The following MACROD2 variants were observed in gnomAD, a reference collection of about 807,000 sequenced individuals.
MACROD2 encodes the protein mono-ADP ribosylhydrolase 2, also known as ADP-ribose glycohydrolase MACROD2.
Under a neutral mutation model 70.4 loss-of-function variants are expected in MACROD2, and 36 were observed. The ratio of observed to expected loss-of-function variants is 0.51; its 90% confidence interval spans 0.39 to 0.68. The LOEUF is 0.68. Among genes scored for constraint, MACROD2 ranks in the 30% least tolerant of loss-of-function variants. MACROD2 has a pLI of 0.00. For synonymous variants in MACROD2, 172 were observed against 178.8 expected (o/e 0.96, Z 0.30); for missense variants, 496 against 538.4 (o/e 0.92, Z 0.78).
intron 5 of MACROD2, among the ~76,000 whole-genome samples, chr20:14,707,995 T>C (rs2071290122): frequency 6.6e-6 from 1 of 152,166 alleles, no homozygotes; most frequent in Admixed American, 6.5e-5. Flanking sequence ...AACCTGGCCT[T>C]TACATCAAAC....
chr20:15,350,999 A>G (rs1666996307), intron 6 of MACROD2, among the ~76,000 whole-genome samples: 2 of 150,618 alleles, frequency 1.3e-5, no homozygotes, highest in Non-Finnish European at 2.9e-5. Flanking sequence ...AATGAAAGAA[A>G]TTTTACCTGT....
At chr20:14,390,469 C>T (rs1434185863) in intron 3 of MACROD2, among the ~76,000 whole-genome samples, 1 of 152,188 alleles carries the variant, frequency 6.6e-6, no homozygotes, top group African/African-American at 2.4e-5. Flanking sequence ...AAGCTGGAGG[C>T]ATCATGCCAC....
chr20:15,050,407 T>G (rs2075429954), intron 5 of MACROD2, among the ~76,000 whole-genome samples: 1 of 152,168 alleles, frequency 6.6e-6, no homozygotes, highest in South Asian at 2.1e-4. Flanking sequence ...ACATGCATTT[T>G]GATAAATTCA....
intron 15 of MACROD2, among the ~76,000 whole-genome samples, chr20:16,020,223 G>A (rs73109687): frequency 0.11 from 17,144 of 152,042 alleles, 1,249 homozygotes; most frequent in Middle Eastern, 0.19. Context: ...AACTCCAGCC[G>A]TCTTAAACTA....
intron 3 of MACROD2, among the ~76,000 whole-genome samples, chr20:14,173,613 T>C (rs1016587030): frequency 6.6e-6 from 1 of 152,242 alleles, no homozygotes; most frequent in African/African-American, 2.4e-5. Context: ...ATTCTTTTTC[T>C]GGCAATTCAG....
At chr20:15,346,007 A>C (rs2078161682) in intron 6 of MACROD2, among the ~76,000 whole-genome samples, 2 of 152,182 alleles carry the variant, frequency 1.3e-5, no homozygotes, top group Non-Finnish European at 2.9e-5. Context: ...TTTACTACTT[A>C]GGAGATCTTC....
intron 3 of MACROD2, among the ~76,000 whole-genome samples, chr20:14,155,827 C>A (rs1011343976): frequency 2.0e-5 from 3 of 152,138 alleles, no homozygotes; most frequent in African/African-American, 7.2e-5. Context: ...ATTTTGTTAT[C>A]TTAATATTTA....
chr20:16,003,465 T>C (rs1264574088), intron 15 of MACROD2, among the ~76,000 whole-genome samples: 1 of 152,156 alleles, frequency 6.6e-6, no homozygotes, highest in African/African-American at 2.4e-5. Context: ...TGGAGGCTCA[T>C]GGTCCAGACT....
intron 4 of MACROD2, among the ~76,000 whole-genome samples, chr20:14,553,993 A>G (rs976856477): frequency 1.3e-5 from 2 of 152,130 alleles, no homozygotes; most frequent in Non-Finnish European, 1.5e-5. Flanking sequence ...ATAGAACTCA[A>G]CTTTCTTGAA....
At chr20:15,411,394 T>TG (rs1046281013) in intron 6 of MACROD2, among the ~76,000 whole-genome samples, 2 of 151,730 alleles carry the variant, frequency 1.3e-5, no homozygotes, top group African/African-American at 4.8e-5. Flanking sequence ...TATCTGCCAA[T>TG]GGGAAAAAAA....
intron 5 of MACROD2, among the ~76,000 whole-genome samples, chr20:14,776,714 A>G (rs1362269427): frequency 6.6e-6 from 1 of 152,120 alleles, no homozygotes; most frequent in Non-Finnish European, 1.5e-5. Flanking sequence ...TCTGTTGAGC[A>G]TAATATACAT....
intron 4 of MACROD2, among the ~76,000 whole-genome samples, chr20:14,607,647 A>G (rs1982891857): frequency 6.6e-6 from 1 of 152,152 alleles, no homozygotes; most frequent in Admixed American, 6.6e-5. Context: ...CATTAACGAT[A>G]CTTAATACAT....
rs1422753615 is a variant in MACROD2 at position 15,256,142 on chromosome 20, G to A, written c.540+26081G>A. ...GAATTTATAAATCCTGGTCAAAAGC[G>A]AGTTAAAGAGATTTTTAAACAATTA... On this transcript the variant is annotated intron_variant, in intron 6 of 17. Coordinates refer to ENST00000684519, the MANE Select transcript of MACROD2 (RefSeq NM_001351661.2). 6.6e-5 allele frequency among the ~76,000 whole-genome samples: 10 copies of A among 152,146 alleles called. No homozygotes were observed. The East Asian group carries it at 1.2e-3, about 18-fold the overall frequency.
chr20:15,353,382 C>A (rs1257468699), intron 6 of MACROD2, among the ~76,000 whole-genome samples: 1 of 152,108 alleles, frequency 6.6e-6, no homozygotes, highest in Non-Finnish European at 1.5e-5. Context: ...AAATGTTAGA[C>A]CTAAAACCAT....
intron 3 of MACROD2, among the ~76,000 whole-genome samples, chr20:14,317,596 A>C (rs1479231650): frequency 2.8e-5 from 4 of 143,074 alleles, no homozygotes; most frequent in Non-Finnish European, 4.5e-5. Flanking sequence ...CTCCAGCCTG[A>C]TGATAGAGTG....
intron 5 of MACROD2, among the ~76,000 whole-genome samples, chr20:15,019,182 G>T (rs1402677752): frequency 6.6e-6 from 1 of 151,958 alleles, no homozygotes; most frequent in East Asian, 1.9e-4. Context: ...CGCGCGCGGA[G>T]AGAGTTTTCT....
chr20:15,310,603 C>T (rs2077741576), intron 6 of MACROD2, among the ~76,000 whole-genome samples: 1 of 152,124 alleles, frequency 6.6e-6, no homozygotes, highest in Non-Finnish European at 1.5e-5. Context: ...AATCAGCATT[C>T]AGGAAGTGAG....
chr20:14,384,944 G>A (rs2083455519), intron 3 of MACROD2, among the ~76,000 whole-genome samples: 1 of 152,070 alleles, frequency 6.6e-6, no homozygotes, highest in Admixed American at 6.6e-5. Flanking sequence ...AATCAGGAAT[G>A]CAGGTAAGAG....
Position 16,051,372 on chromosome 20 carries a change from A to G in MACROD2, c.*1496A>G, listed in dbSNP as rs1322622610. ...ACTTTTTTGATGGAAAATTCATCTT[A>G]TCTTCCTATGACTTTGGTTTTAGCC... On this transcript the variant is annotated 3_prime_UTR_variant, in exon 18 of 18. Transcript: ENST00000684519. 6.6e-6 allele frequency: 1 copy of G among 152,154 alleles called. No individual in the cohort carries two copies. Among genetic ancestry groups the G allele is most frequent in the Non-Finnish European group, 1.5e-5 (1 of 68,000 alleles). 9.4% of individuals were successfully genotyped at this position (152,154 alleles called of 1,614,324 possible). A position where few individuals can be genotyped will look rare whatever the true frequency, so the allele number is the denominator to read the frequency against.
Sources: allele counts gnomAD v4.1 joint callset (sites outside exome capture counted in the v4.1 genomes callset), GRCh38; gene constraint gnomAD v4.1.1; transcripts MANE v1.5; gene names NCBI Gene and HGNC (gene_info 2026-07-23, HGNC 2026-07-21).